Variants in RBBP8NL observed in about 807,000 individuals in gnomAD.
The protein encoded by RBBP8NL is RBBP8 N-terminal-like protein.
In RBBP8NL, 59 loss-of-function variants were observed where a neutral mutation model predicts 62.2. The ratio of observed to expected loss-of-function variants is 0.95; its 90% confidence interval spans 0.77 to 1.18. The LOEUF is 1.18. Among genes scored for constraint, RBBP8NL ranks in the 50% most tolerant of loss-of-function variants. The pLI is 0.00. For missense variants in RBBP8NL, 896 were observed against 899.5 expected (o/e 1.00, Z 0.05); for synonymous variants, 412 against 394.1 (o/e 1.05, Z -0.54).
intron 1 of RBBP8NL, among the ~76,000 whole-genome samples, chr20:62,425,420 A>G (rs576851484): frequency 2.6e-4 from 40 of 152,294 alleles, no homozygotes; most frequent in African/African-American, 7.0e-4. Context: ...ACGGACTCCA[A>G]TGGGCTCACG....
intron 4 of RBBP8NL, 111 bp from the exon 5 acceptor site, chr20:62,416,983 C>T: frequency 1.2e-6 from 1 of 856,914 alleles, no homozygotes; most frequent in Non-Finnish European, 1.8e-6. Flanking sequence ...GCAAACTATT[C>T]CGTAGAGCCC....
chr20:62,420,682 AACAC>A (rs896333554), intron 1 of RBBP8NL, among the ~76,000 whole-genome samples: 1 of 152,176 alleles, frequency 6.6e-6, no homozygotes, highest in Non-Finnish European at 1.5e-5. Context: ...GGTACACGGA[AACAC>A]ACACAGCCAC....
At chr20:62,416,289 A>AGGGGTGGGGGGGGGGGGGCGGGGGGCT in intron 5 of RBBP8NL, 53 bp from the exon 6 acceptor site, 1 of 117,582 alleles carries the variant, frequency 8.5e-6, no homozygotes, top group Non-Finnish European at 1.6e-5. Context: ...GGACAGGGGC[A>AGGGGTGGGGGGGGGGGGGCGGGGGGCT]GGGGTGGGGT....
rs902944994 is a variant in RBBP8NL, at chr20:62,422,740, C to T, written c.-83-3010G>A. Among the ~76,000 whole-genome samples, 30 of 150,392 alleles carry T rather than the reference C, an allele frequency of 2.0e-4. 1 individual carries two copies. Among genetic ancestry groups the T allele is most frequent in the African/African-American group, 7.1e-4 (29 of 40,644 alleles). On this transcript the variant is annotated intron_variant, in intron 1 of 13. Transcript: ENST00000252998. ...TCCTAACTCTTGCCGAGCCCTTGCA[C>T]CTGTGATCAAGCATTAGTGCCGAGC...
rs113835255 is a variant in RBBP8NL, at chr20:62,424,566, C to T, written c.-84+2894G>A. Reference sequence around the variant, plus strand: ...GGGCGACGTGCTGCTCTCACCAGAACGGAACAGAGCCCATCCAGTAAACGG... The same window carrying T: ...GGGCGACGTGCTGCTCTCACCAGAATGGAACAGAGCCCATCCAGTAAACGG... On this transcript the variant is annotated intron_variant, in intron 1 of 13. Coordinates refer to ENST00000252998, the MANE Select transcript of RBBP8NL (RefSeq NM_080833.3). 7.4e-3 allele frequency among the ~76,000 whole-genome samples: 1,125 copies of T among 152,280 alleles called. 16 individuals carry two copies. The highest frequency in any genetic ancestry group is 0.024 in the African/African-American group (1,006 of 41,558).
intron 1 of RBBP8NL, among the ~76,000 whole-genome samples, chr20:62,426,974 C>A (rs894206875): frequency 1.6e-4 from 25 of 152,354 alleles, no homozygotes; most frequent in African/African-American, 5.8e-4. Flanking sequence ...GAGCAAGGCC[C>A]GCCTTTGTGG....
rs909556305 is a variant in RBBP8NL at position 62,413,264 on chromosome 20, C to T, written c.1675+137G>A. The T allele has an allele frequency of 6.1e-6, 7 of 1,143,208 alleles. No homozygotes were observed. In the African/African-American group the frequency reaches 1.1e-4, roughly 18 times the overall value. The allele number at this position is 1,143,208 out of a possible 1,614,324, so 70.8% of individuals were successfully genotyped here. On this transcript the variant is annotated intron_variant, in intron 11 of 13. Coordinates refer to ENST00000252998, the MANE Select transcript of RBBP8NL (RefSeq NM_080833.3). ...AGGTGGAAGAGCCAAGCCCTGGAGC[C>T]TGGGGTTGCCCCGTCAGATCGGCAG...
At chr20:62,411,219 A>G (rs1988427479) in intron 13 of RBBP8NL, among the ~76,000 whole-genome samples, 1 of 152,148 alleles carries the variant, frequency 6.6e-6, no homozygotes, top group African/African-American at 2.4e-5. Flanking sequence ...CACTCTCCCC[A>G]TTGTGTGACC....
intron 1 of RBBP8NL, among the ~76,000 whole-genome samples, chr20:62,421,195 G>A (rs546048187): frequency 1.3e-5 from 2 of 152,384 alleles, no homozygotes; most frequent in South Asian, 4.1e-4. Context: ...GCTTCACGCG[G>A]TCGGGTGGGG....
rs578044343 is a variant in RBBP8NL, at chr20:62,417,822, C to T, written c.105-503G>A. On this transcript the variant is annotated intron_variant, in intron 3 of 13. Coordinates refer to ENST00000252998, the MANE Select transcript of RBBP8NL (RefSeq NM_080833.3). ...TGTGACGTCTGTCCTGTCCACGCAA[C>T]GCCCCCCCAGTCATCTGCACGCTCC... Among the ~76,000 whole-genome samples, 91 of 75,868 alleles carry T rather than the reference C, an allele frequency of 1.2e-3. 8 individuals carry two copies. The highest frequency in any genetic ancestry group is 4.1e-3 in the African/African-American group (69 of 16,634). The allele number at this position is 75,868 out of a possible 152,430, so 49.8% of individuals were successfully genotyped here. A position where few individuals can be genotyped will look rare whatever the true frequency, so the allele number is the denominator to read the frequency against.
At chr20:62,415,489 AGGCT>A in intron 8 of RBBP8NL, 85 bp downstream of exon 8, 2 of 1,461,426 alleles carry the variant, frequency 1.4e-6, no homozygotes, top group Non-Finnish European at 1.9e-6. Context: ...GGCGCATGAG[AGGCT>A]GGCATACTGA....
chr20:62,413,433 T>C lies in RBBP8NL; in HGVS notation c.1643A>G (p.His548Arg). ...LPPPHPQPPP[H>R]PQPPDLDGHP... is the part of the protein sequence containing the mutation. ...GCCGTCCAGGTCAGGCGGCTGTGGGTGGGGAGGCGGCTGTGGGTGGGGAGG... is the reference window on the plus strand; with the variant it reads ...GCCGTCCAGGTCAGGCGGCTGTGGGCGGGGAGGCGGCTGTGGGTGGGGAGG... Residue 548 changes from histidine (H) to arginine (R), a missense_variant, in exon 11 of 14, where the codon CAC (histidine) becomes CGC (arginine). His to Arg is a conservative substitution (Grantham distance 29). Coordinates refer to ENST00000252998, the MANE Select transcript of RBBP8NL (RefSeq NM_080833.3). The C allele has an allele frequency of 6.9e-7, 1 of 1,458,182 alleles. No homozygotes were observed. Among genetic ancestry groups the C allele is most frequent in the Non-Finnish European group, 9.0e-7 (1 of 1,106,156 alleles). 90.3% of individuals were successfully genotyped at this position (1,458,182 alleles called of 1,614,324 possible).
At position 62,413,938 on chromosome 20, in the gene RBBP8NL, G is replaced by T. The variant is rs759002620; in HGVS notation, c.1413C>A (p.His471Gln). The T allele has an allele frequency of 6.3e-7, 1 of 1,588,270 alleles. No individual in the cohort carries two copies. Among genetic ancestry groups the T allele is most frequent in the Non-Finnish European group, 8.6e-7 (1 of 1,168,288 alleles). ...GGGTGGGTGGCTCGGGGCTGGCAGT[G>T]TGGGCAGCGGCAGGGCTGAGTGACC... ...QHGSLSPAAA[H>Q]TASPEPPTQS... Residue 471 changes from histidine to glutamine, a missense_variant, in exon 10 of 14, where the codon CAC (histidine) becomes CAA (glutamine). Transcript: ENST00000252998.
chr20:62,417,200 T>C (rs768369370), intron 4 of RBBP8NL, 24 bp downstream of exon 4: 3 of 1,558,852 alleles, frequency 1.9e-6, no homozygotes, highest in African/African-American at 1.4e-5. Flanking sequence ...CTGGCCATGC[T>C]GCGAGGTGTC....
chr20:62,419,696 A>G lies in RBBP8NL; in HGVS notation c.-49T>C. ...GCCCCTCTGCGCTGGGGTTGTGGAG[A>G]CGCCTGCAGCCTCTACTGCCCCTCT... On this transcript the variant is annotated 5_prime_UTR_variant, in exon 2 of 14. Transcript: ENST00000252998. The G allele has an allele frequency of 6.3e-7, 1 of 1,593,726 alleles. No homozygotes were observed. The highest frequency in any genetic ancestry group is 8.6e-7 in the Non-Finnish European group (1 of 1,165,886).
intron 2 of RBBP8NL, among the ~76,000 whole-genome samples, chr20:62,419,370 C>T (rs947353657): frequency 6.6e-6 from 1 of 152,154 alleles, no homozygotes; most frequent in Non-Finnish European, 1.5e-5. Context: ...AGGACATCCC[C>T]GCTTGAGGTC....
At chr20:62,413,313 C>G in intron 11 of RBBP8NL, 88 bp downstream of exon 11, 1 of 1,351,258 alleles carries the variant, frequency 7.4e-7, no homozygotes, top group Non-Finnish European at 9.6e-7. Context: ...CTGGAGACAC[C>G]CACTCCTGGT....
rs751048977 is a variant in RBBP8NL at position 62,415,106 on chromosome 20, G to GAGGGTA, written c.794+14_794+15insTACCCT. On this transcript the variant is annotated intron_variant, in intron 9 of 13. Transcript: ENST00000252998. ...ATCTGAGGCTACTCTGGGTGAGGGTGGGGCAGGCGGGCACCTGTCCAGGGA... is the reference window on the plus strand; with the variant it reads ...ATCTGAGGCTACTCTGGGTGAGGGTGAGGGTAGGGCAGGCGGGCACCTGTCCAGGGA... The GAGGGTA allele has an allele frequency of 3.8e-4, 554 of 1,455,372 alleles. No individual in the cohort carries two copies. Among genetic ancestry groups the GAGGGTA allele is most frequent in the Non-Finnish European group, 4.6e-4 (508 of 1,100,618 alleles). 90.2% of individuals were successfully genotyped at this position (1,455,372 alleles called of 1,614,324 possible).
Position 62,414,118 on chromosome 20 carries a change from C to A in RBBP8NL, c.1233G>T (p.Leu411=). The A allele has an allele frequency of 1.3e-6, 2 of 1,596,294 alleles. No individual in the cohort carries two copies. Among genetic ancestry groups the A allele is most frequent in the Non-Finnish European group, 1.7e-6 (2 of 1,173,366 alleles). The stretch of plus-strand genomic sequence containing the variant: ...CAGGCTGTGTGTGCCGCCCTCCAGA[C>A]AGGCCTGCTGCGGCCAGAGCTGCCC... ...GTRAALAAAG[L]SGGRHTQPAG... The change falls in exon 10 of 14, where the codon CTG becomes CTT. Residue 411 remains leucine (L), a synonymous_variant. Coordinates refer to ENST00000252998, the MANE Select transcript of RBBP8NL (RefSeq NM_080833.3).
Sources: allele counts gnomAD v4.1 joint callset (sites outside exome capture counted in the v4.1 genomes callset), GRCh38; gene constraint gnomAD v4.1.1; transcripts MANE v1.5; gene names NCBI Gene and HGNC (gene_info 2026-07-23, HGNC 2026-07-21).